The following TSEN2 variants were observed in gnomAD, a reference collection of about 807,000 sequenced individuals.
TSEN2 encodes tRNA splicing endonuclease subunit 2.
In TSEN2, 54 loss-of-function variants were observed where a neutral mutation model predicts 59.2. The ratio of observed to expected loss-of-function variants is 0.91; its 90% CI spans 0.73 to 1.14. TSEN2 has a LOEUF of 1.14. Ranked by LOEUF, TSEN2 falls within the 50% of genes most tolerant of loss-of-function variation. The pLI is 0.00. For synonymous variants in TSEN2, 195 were observed against 198.2 expected, an observed-to-expected ratio of 0.98 and a Z score of 0.14; for missense variants, 636 against 576.2, an observed-to-expected ratio of 1.10 and a Z score of -1.06.
intron 6 of TSEN2, chr3:12,515,065 G>A (rs1440994685): frequency 6.6e-6 from 1 of 152,172 alleles, no homozygotes; most frequent in Admixed American, 6.5e-5. Context: ...TTATTATGAA[G>A]TGGTTTTGAC....
intron 5 of TSEN2, among the ~76,000 whole-genome samples, chr3:12,504,853 T>G (rs1423094726): frequency 6.6e-6 from 1 of 151,922 alleles, no homozygotes; most frequent in Non-Finnish European, 1.5e-5. Flanking sequence ...TACAAAAAAT[T>G]AGCCAGGCAT....
intron 10 of TSEN2, 31 bp downstream of exon 10, chr3:12,529,904 G>A: frequency 1.2e-6 from 2 of 1,606,338 alleles, no homozygotes; most frequent in Non-Finnish European, 1.7e-6. Context: ...CCATTGGAGT[G>A]TCACTTAAAT....
intron 4 of TSEN2, 43 bp downstream of exon 4, chr3:12,496,597 A>G (rs2053771569): frequency 6.2e-7 from 1 of 1,608,078 alleles, no homozygotes; most frequent in Admixed American, 1.7e-5. Context: ...ATGATGGTTT[A>G]AGTCAGATGT....
upstream of TSEN2, among the ~76,000 whole-genome samples, chr3:12,482,084 C>A (rs2052199889): frequency 6.6e-6 from 1 of 152,174 alleles, no homozygotes; most frequent in African/African-American, 2.4e-5. Context: ...ATCGAGAATG[C>A]AAAAGAAATG....
chr3:12,538,403 T>C (rs1453260312), downstream of TSEN2, among the ~76,000 whole-genome samples: 1 of 152,182 alleles, frequency 6.6e-6, no homozygotes, highest in Non-Finnish European at 1.5e-5. Context: ...AGTTGTCTTA[T>C]TTAGGTTATC....
chr3:12,481,248 A>G (rs2052190153), upstream of TSEN2, among the ~76,000 whole-genome samples: 1 of 152,240 alleles, frequency 6.6e-6, no homozygotes. Context: ...GATATAGTCC[A>G]TCCTCCCTAC....
intron 6 of TSEN2, chr3:12,506,927 G>A: frequency 1.1e-6 from 1 of 931,424 alleles, no homozygotes; most frequent in South Asian, 5.0e-5. Context: ...GGGCGCCGTG[G>A]CTCACACCTG....
chr3:12,491,666 C>T (rs901965170), intron 2 of TSEN2, among the ~76,000 whole-genome samples: 2 of 152,184 alleles, frequency 1.3e-5, no homozygotes, highest in Non-Finnish European at 2.9e-5. Flanking sequence ...TAAGAACATC[C>T]TTAGTCATCA....
At chr3:12,490,326 G>A (rs115696018) in intron 2 of TSEN2, among the ~76,000 whole-genome samples, 2,112 of 152,246 alleles carry the variant, frequency 0.014, 54 homozygotes, top group African/African-American at 0.046. Flanking sequence ...AATGTAATGG[G>A]TAAAAAAGTG....
At chr3:12,521,179 G>A (rs2056608431) in intron 8 of TSEN2, among the ~76,000 whole-genome samples, 1 of 152,198 alleles carries the variant, frequency 6.6e-6, no homozygotes, top group South Asian at 2.1e-4. Context: ...GTGAGGGTCT[G>A]GAGTAGGTGA....
At chr3:12,495,467 C>A (rs568818533) in intron 3 of TSEN2, among the ~76,000 whole-genome samples, 1 of 152,236 alleles carries the variant, frequency 6.6e-6, no homozygotes, top group African/African-American at 2.4e-5. Flanking sequence ...TGAGCTCAGA[C>A]AATCCACCCG....
At chr3:12,506,889 A>G (rs2054893800) in intron 6 of TSEN2, 1 of 984,528 alleles carries the variant, frequency 1.0e-6, no homozygotes, top group Admixed American at 6.2e-5. Context: ...TTTATAGCTG[A>G]GACCACAGGA....
chr3:12,488,741 C>T (rs2052901273), intron 1 of TSEN2, among the ~76,000 whole-genome samples: 1 of 152,218 alleles, frequency 6.6e-6, no homozygotes, highest in Non-Finnish European at 1.5e-5. Flanking sequence ...AATTCCGTTA[C>T]TGCTCAATAA....
intron 6 of TSEN2, among the ~76,000 whole-genome samples, chr3:12,508,308 C>T (rs2055056893): frequency 6.6e-6 from 1 of 152,202 alleles, no homozygotes; most frequent in Admixed American, 6.5e-5. Context: ...GATGAGGTTA[C>T]TCTGCCTTCT....
At chr3:12,501,390 T>C (rs1383004153) in intron 4 of TSEN2, among the ~76,000 whole-genome samples, 1 of 152,234 alleles carries the variant, frequency 6.6e-6, no homozygotes, top group African/African-American at 2.4e-5. Context: ...TCTCAGGTAT[T>C]AGGGTAGCCT....
intron 8 of TSEN2, among the ~76,000 whole-genome samples, chr3:12,528,124 G>A (rs372911777): frequency 6.6e-5 from 10 of 152,346 alleles, no homozygotes; most frequent in Admixed American, 3.9e-4. Context: ...ATAGGCATGA[G>A]TCTTATTCCT....
At chr3:12,488,297 G>A (rs964225504) in intron 1 of TSEN2, among the ~76,000 whole-genome samples, 5 of 152,200 alleles carry the variant, frequency 3.3e-5, no homozygotes, top group African/African-American at 1.2e-4. Flanking sequence ...TCGGAGTCAT[G>A]TAGGTTAAAC....
intron 6 of TSEN2, among the ~76,000 whole-genome samples, chr3:12,506,051 A>G (rs1266025335): frequency 2.0e-5 from 3 of 152,192 alleles, no homozygotes; most frequent in African/African-American, 7.2e-5. Flanking sequence ...AGAAGAAAAA[A>G]GTGGATTTCG....
chr3:12,527,862 G>A (rs949509547), intron 8 of TSEN2, among the ~76,000 whole-genome samples: 1 of 152,090 alleles, frequency 6.6e-6, no homozygotes, highest in African/African-American at 2.4e-5. Context: ...ATGCACCTGG[G>A]GGAGAAATAA....
Sources: allele counts gnomAD v4.1 joint callset (sites outside exome capture counted in the v4.1 genomes callset), GRCh38; gene constraint gnomAD v4.1.1; transcripts MANE v1.5; gene names NCBI Gene and HGNC (gene_info 2026-07-23, HGNC 2026-07-21).